The following RB1 variants were observed in gnomAD, a reference collection of about 807,000 sequenced individuals.
RB1 encodes RB transcriptional corepressor 1.
RB1 carries 18 observed loss-of-function variants against 135.4 expected under a neutral mutation model. The ratio of observed to expected loss-of-function variants is 0.13; its 90% CI spans 0.09 to 0.20. The LOEUF (loss-of-function observed/expected upper bound fraction) is 0.20, where lower values mean the gene tolerates loss of function less well. Ranked by LOEUF, RB1 falls within the 10% of genes least tolerant of loss-of-function variation. The pLI is 1.00. For synonymous variants in RB1, 365 were observed against 373.2 expected (o/e 0.98, Z 0.25); for missense variants, 868 against 1,110.0 (o/e 0.78, Z 3.10).
At chr13:48,408,725 G>T (rs1422957158) in intron 17 of RB1, 2 of 152,036 alleles carry the variant, frequency 1.3e-5, no homozygotes, top group African/African-American at 2.4e-5. Context: ...GTTATGTATT[G>T]CTTTATGAAG....
At chr13:48,417,811 GA>G (rs1284784297) in intron 17 of RB1, among the ~76,000 whole-genome samples, 1 of 152,184 alleles carries the variant, frequency 6.6e-6, no homozygotes, top group Non-Finnish European at 1.5e-5. Flanking sequence ...AATAAAGTGT[GA>G]AGACAAGATT....
chr13:48,316,352 C>T (rs1034026187), intron 2 of RB1, among the ~76,000 whole-genome samples: 2 of 152,086 alleles, frequency 1.3e-5, no homozygotes, highest in Admixed American at 6.6e-5. Flanking sequence ...GAGCGATTCC[C>T]GGGGAGGGCA....
chr13:48,355,304 G>A (rs1389872237), intron 6 of RB1, among the ~76,000 whole-genome samples: 3 of 152,004 alleles, frequency 2.0e-5, no homozygotes, highest in Non-Finnish European at 2.9e-5. Flanking sequence ...TGACAAACAG[G>A]CATATGAAAA....
intron 7 of RB1, among the ~76,000 whole-genome samples, chr13:48,362,372 T>C (rs1952651665): frequency 6.6e-6 from 1 of 152,012 alleles, no homozygotes; most frequent in South Asian, 2.1e-4. Context: ...TAATATATTT[T>C]ATACCTATCT....
chr13:48,321,129 G>C (rs992978989), intron 2 of RB1, among the ~76,000 whole-genome samples: 2 of 152,028 alleles, frequency 1.3e-5, no homozygotes, highest in African/African-American at 4.8e-5. Flanking sequence ...GCCACCCACC[G>C]CGCTGACCCT....
chr13:48,464,958 C>CTTTTTTT (rs553094345), intron 21 of RB1, 40 bp from the exon 22 acceptor site: 42 of 832,592 alleles, frequency 5.0e-5, no homozygotes, highest in South Asian at 1.4e-4. Flanking sequence ...GTAAATTTTA[C>CTTTTTTT]TTTTTTTTTT....
intron 1 of RB1, 105 bp downstream of exon 1, chr13:48,304,154 G>A: frequency 2.4e-6 from 3 of 1,239,586 alleles, no homozygotes; most frequent in Non-Finnish European, 2.1e-6. Context: ...GCCAGGGGCC[G>A]GGTCCCGGCG....
At chr13:48,321,606 A>G (rs1344605823) in intron 2 of RB1, among the ~76,000 whole-genome samples, 1 of 152,050 alleles carries the variant, frequency 6.6e-6, no homozygotes, top group Non-Finnish European at 1.5e-5. Flanking sequence ...CTGTAATCCT[A>G]GCACTTTCGG....
Position 48,304,010 on chromosome 13 carries a change from C to G in RB1, c.98C>G (p.Pro33Arg), listed in dbSNP as rs1201977804. 1 of 1,484,752 alleles carries G rather than the reference C, an allele frequency of 6.7e-7. No homozygotes were observed. The highest frequency in any genetic ancestry group is 2.3e-5 in the Admixed American group (1 of 42,874). 92.0% of individuals were successfully genotyped at this position (1,484,752 alleles called of 1,614,324 possible). ...PPPPPPPEED[P>R]EQDSGPEDLP... The stretch of plus-strand genomic sequence containing the variant: ...CCGCCGCCCCCTCCTGAGGAGGACC[C>G]AGAGCAGGACAGCGGCCCGGAGGAC... The change falls in exon 1 of 27, where the codon CCA becomes CGA. Residue 33 changes from proline (P) to arginine (R), a missense_variant. Coordinates refer to ENST00000267163, the MANE Select transcript of RB1 (RefSeq NM_000321.3).
chr13:48,385,115 T>A (rs935552583), intron 17 of RB1, among the ~76,000 whole-genome samples: 5 of 152,216 alleles, frequency 3.3e-5, no homozygotes, highest in African/African-American at 4.8e-5. Flanking sequence ...TCAAAGTATG[T>A]CAGATGCTTT....
At chr13:48,459,867 C>T (rs2138336685) in intron 20 of RB1, 34 bp downstream of exon 20, 1 of 1,540,784 alleles carries the variant, frequency 6.5e-7, no homozygotes. Context: ...TTCTCTCCTC[C>T]CTACTTACTT....
intron 21 of RB1, 146 bp from the exon 22 acceptor site, chr13:48,464,852 T>C: frequency 1.2e-6 from 1 of 849,984 alleles, no homozygotes; most frequent in Non-Finnish European, 1.7e-6. Flanking sequence ...TTTATTATTT[T>C]TTCCTTTATA....
In RB1 at chr13:48,357,088, C is replaced by CT. The variant is rs879849795; in HGVS notation, c.608-2918dup. ...TCTTGATTTTGTTATTCTGTATTAG[C>CT]TTTTTTTTTTTGAACACCGTATCCC... On this transcript the variant is annotated intron_variant, in intron 6 of 26. Transcript: ENST00000267163. Among the ~76,000 whole-genome samples the CT allele has an allele frequency of 3.7e-4, 54 of 145,350 alleles. 1 individual carries two copies. The highest frequency in any genetic ancestry group is 1.5e-3 in the South Asian group (7 of 4,606).
chr13:48,414,083 C>G (rs1948865578), intron 17 of RB1, among the ~76,000 whole-genome samples: 1 of 152,130 alleles, frequency 6.6e-6, no homozygotes, highest in Non-Finnish European at 1.5e-5. Flanking sequence ...TGCAGTGGCT[C>G]ACGCCTATAA....
At chr13:48,463,863 T>C in intron 21 of RB1, 28 bp downstream of exon 21, 1 of 1,365,376 alleles carries the variant, frequency 7.3e-7, no homozygotes, top group Non-Finnish European at 1.0e-6. Context: ...GTAAGTTTTT[T>C]TGATAAATCC....
intron 17 of RB1, among the ~76,000 whole-genome samples, chr13:48,400,117 A>G (rs1335729483): frequency 6.6e-6 from 1 of 152,108 alleles, no homozygotes; most frequent in Non-Finnish European, 1.5e-5. Flanking sequence ...AGTGCTCATC[A>G]CTTGCTTACT....
chr13:48,351,378 GTCT>G (rs778647907), intron 6 of RB1, among the ~76,000 whole-genome samples: 13 of 152,060 alleles, frequency 8.5e-5, no homozygotes, highest in Non-Finnish European at 1.3e-4. Context: ...CTGCATGTAT[GTCT>G]TCTTTTGAAA....
rs1949531212 is a variant in RB1, at chr13:48,480,370, C to A, written c.*299C>A. ...TGTGCTTTATGGATAGTAAGAATGGCCCTAGAGTGGGAGTCCTGATAACCC... is the reference window on the plus strand; with the variant it reads ...TGTGCTTTATGGATAGTAAGAATGGACCTAGAGTGGGAGTCCTGATAACCC... On this transcript the variant is annotated 3_prime_UTR_variant, in exon 27 of 27. Transcript: ENST00000267163. The A allele has an allele frequency of 2.2e-6, 1 of 446,532 alleles. No individual in the cohort carries two copies. Among genetic ancestry groups the A allele is most frequent in the Admixed American group, 3.7e-5 (1 of 27,034 alleles). 27.7% of individuals were successfully genotyped at this position (446,532 alleles called of 1,614,324 possible). A position where few individuals can be genotyped will look rare whatever the true frequency, so the allele number is the denominator to read the frequency against.
chr13:48,412,450 T>C lies in RB1; in HGVS notation c.1695+31007T>C, dbSNP rs941640290. The C allele has an allele frequency of 8.5e-6, 13 of 1,526,122 alleles. No homozygotes were observed. The African/African-American group carries it at 9.6e-5, about 11-fold the overall frequency. 94.5% of individuals were successfully genotyped at this position (1,526,122 alleles called of 1,614,324 possible). ...GTAAAGGCACGTCCAATTTTCAGTTTGGAAGCACTTTCATCAGCTGCAGTC... is the reference window on the plus strand; with the variant it reads ...GTAAAGGCACGTCCAATTTTCAGTTCGGAAGCACTTTCATCAGCTGCAGTC... On this transcript the variant is annotated intron_variant, in intron 17 of 26. Coordinates refer to ENST00000267163, the MANE Select transcript of RB1 (RefSeq NM_000321.3).
Sources: allele counts gnomAD v4.1 joint callset (sites outside exome capture counted in the v4.1 genomes callset), GRCh38; gene constraint gnomAD v4.1.1; transcripts MANE v1.5; gene names NCBI Gene and HGNC (gene_info 2026-07-23, HGNC 2026-07-21).